TMEM233: variants seen among roughly 807,000 people sequenced by gnomAD.
TMEM233 encodes transmembrane protein 233.
In TMEM233, 6 loss-of-function variants were observed where a neutral mutation model predicts 11.2. The ratio of observed to expected loss-of-function variants is 0.54; its 90% CI spans 0.29 to 1.06. TMEM233 has a LOEUF of 1.06. TMEM233 is among the 50% of genes least tolerant of loss of function. TMEM233 has a pLI of 0.08. For synonymous variants in TMEM233, 59 were observed against 55.8 expected, an observed-to-expected ratio of 1.06 and a Z score of -0.26; for missense variants, 127 against 144.7, an observed-to-expected ratio of 0.88 and a Z score of 0.63.
chr12:119,631,494 G>A (rs1205857599), intron 2 of TMEM233: 1 of 984,958 alleles, frequency 1.0e-6, no homozygotes. Flanking sequence ...CCAAATAAAA[G>A]AGAAAAGGAC....
At chr12:119,608,125 A>T (rs563043217) in intron 1 of TMEM233, among the ~76,000 whole-genome samples, 1 of 152,272 alleles carries the variant, frequency 6.6e-6, no homozygotes, top group African/African-American at 2.4e-5. Context: ...GTTTTGTTCC[A>T]ATTCCAGTGG....
chr12:119,649,442 C>A, the TMEM233 span, among the ~76,000 whole-genome samples: 2 of 152,116 alleles, frequency 1.3e-5, no homozygotes, highest in African/African-American at 4.8e-5. Context: ...TAGAGTGTTC[C>A]CTAACAATTT....
downstream of TMEM233, among the ~76,000 whole-genome samples, chr12:119,644,386 C>A (rs1174674566): frequency 3.3e-5 from 5 of 150,676 alleles, no homozygotes; most frequent in African/African-American, 7.3e-5. Context: ...AACAAACAAA[C>A]AAAAAAAACA....
chr12:119,645,707 C>A (rs1955142024), downstream of TMEM233, among the ~76,000 whole-genome samples: 1 of 152,174 alleles, frequency 6.6e-6, no homozygotes, highest in Non-Finnish European at 1.5e-5. Flanking sequence ...GGTGAGCAGC[C>A]AGTCAGACCT....
In TMEM233 at chr12:119,634,368, T is replaced by TG. The variant is rs1170184771; in HGVS notation, c.323+4499dup. ...GGCTCACACCTGTAATCCAATACCT[T>TG]GGGCTGAGGTGGGAGGATCTCTTGA... is the stretch of plus-strand genomic sequence containing the variant. On this transcript the variant is annotated intron_variant, in intron 2 of 2. Coordinates refer to ENST00000426426, the MANE Select transcript of TMEM233 (RefSeq NM_001136534.3). 6.1e-6 allele frequency: 4 copies of TG among 657,146 alleles called. No homozygotes were observed. In the African/African-American group the frequency reaches 7.9e-5, roughly 13 times the overall value. The allele number at this position is 657,146 out of a possible 1,614,324, so 40.7% of individuals were successfully genotyped here.
chr12:119,620,213 A>G (rs955363967), intron 1 of TMEM233, among the ~76,000 whole-genome samples: 1 of 152,190 alleles, frequency 6.6e-6, no homozygotes, highest in African/African-American at 2.4e-5. Context: ...ATGGAATCTT[A>G]TCTTGAGATT....
chr12:119,611,336 CAT>C (rs202236602), intron 1 of TMEM233, among the ~76,000 whole-genome samples: 2,250 of 152,216 alleles, frequency 0.015, 67 homozygotes, highest in African/African-American at 0.051. Flanking sequence ...CTCAATAACA[CAT>C]GTTATTATCT....
At chr12:119,597,980 C>G (rs1174981106) in intron 1 of TMEM233, among the ~76,000 whole-genome samples, 2 of 152,198 alleles carry the variant, frequency 1.3e-5, no homozygotes, top group East Asian at 3.8e-4. Context: ...GTGAGGAGCA[C>G]AAGCTGGCTT....
intron 2 of TMEM233, chr12:119,631,775 C>A: frequency 2.4e-6 from 1 of 411,748 alleles, no homozygotes; most frequent in Non-Finnish European, 3.3e-6. Flanking sequence ...CATTCCTGAA[C>A]CTCAGTTTCC....
intron 1 of TMEM233, among the ~76,000 whole-genome samples, chr12:119,610,520 C>T (rs534827022): frequency 2.9e-4 from 44 of 152,300 alleles, no homozygotes; most frequent in African/African-American, 1.0e-3. Context: ...CCATAAGCCC[C>T]ACCTGTCATG....
In TMEM233 at chr12:119,622,698, A is replaced by G. The variant is rs115611580; in HGVS notation, c.187-7038A>G. Among the ~76,000 whole-genome samples, 919 of 152,150 alleles carry G rather than the reference A, an allele frequency of 6.0e-3. 7 individuals are homozygous for G. The highest frequency in any genetic ancestry group is 0.021 in the African/African-American group (872 of 41,508). On this transcript the variant is annotated intron_variant, in intron 1 of 2. Coordinates refer to ENST00000426426, the MANE Select transcript of TMEM233 (RefSeq NM_001136534.3). ...CCCCCAGCCATGGAAATCCTTCACA[A>G]TGAAATCTCAGAGCTGGAATCTCTC...
At chr12:119,610,606 C>G (rs1054865038) in intron 1 of TMEM233, among the ~76,000 whole-genome samples, 1 of 152,058 alleles carries the variant, frequency 6.6e-6, no homozygotes, top group African/African-American at 2.4e-5. Context: ...TGAGTTCTCA[C>G]GACATTATGA....
At chr12:119,605,209 C>G (rs80175089) in intron 1 of TMEM233, among the ~76,000 whole-genome samples, 2,863 of 151,886 alleles carry the variant, frequency 0.019, 86 homozygotes, top group African/African-American at 0.065. Context: ...ATACATTTGT[C>G]TTTACTTTTT....
At chr12:119,652,014 T>G in the TMEM233 span, among the ~76,000 whole-genome samples, 10 of 152,242 alleles carry the variant, frequency 6.6e-5, no homozygotes, top group Admixed American at 6.5e-4. Flanking sequence ...CTTTTATTAA[T>G]CAGACTACCA....
At position 119,594,042 on chromosome 12, in the gene TMEM233, A is replaced by T; in HGVS notation, c.186+8A>T. The T allele has an allele frequency of 6.4e-7, 1 of 1,551,204 alleles. No individual in the cohort carries two copies. The highest frequency in any genetic ancestry group is 8.7e-7 in the Non-Finnish European group (1 of 1,146,718). Reference sequence around the variant, plus strand: ...TTGGTCTTTTCCATCATGGTGAGTGAATCACGGCCAGAGGCAGCCTGGGAG... The same window carrying T: ...TTGGTCTTTTCCATCATGGTGAGTGTATCACGGCCAGAGGCAGCCTGGGAG... On this transcript the variant is annotated splice_region_variant and intron_variant, in intron 1 of 2. Coordinates refer to ENST00000426426, the MANE Select transcript of TMEM233 (RefSeq NM_001136534.3). The surrounding 1 kb of genome is among the most constrained non-coding windows in gnomAD (Gnocchi z 5.6).
chr12:119,606,836 G>C (rs547122842), intron 1 of TMEM233, among the ~76,000 whole-genome samples: 1 of 152,292 alleles, frequency 6.6e-6, no homozygotes, highest in Non-Finnish European at 1.5e-5. Flanking sequence ...AAATGTAAAA[G>C]AGACATAAAT....
At chr12:119,634,287 CTG>C in intron 2 of TMEM233, 1 of 985,010 alleles carries the variant, frequency 1.0e-6, no homozygotes, top group Non-Finnish European at 1.2e-6. Context: ...ACCCATGAAT[CTG>C]TGAGTTTTCT....
intron 1 of TMEM233, among the ~76,000 whole-genome samples, chr12:119,620,726 T>C (rs944379821): frequency 2.0e-5 from 3 of 152,162 alleles, no homozygotes; most frequent in Admixed American, 2.0e-4. Context: ...TCAGGAAGTC[T>C]ATCAATATAA....
intron 2 of TMEM233, among the ~76,000 whole-genome samples, chr12:119,633,317 T>G (rs1229969040): frequency 6.6e-6 from 1 of 152,188 alleles, no homozygotes; most frequent in Admixed American, 6.5e-5. Context: ...CAGTGGCTGA[T>G]GCCTATAATC....
Sources: gnomAD v4.1 joint callset for allele counts (sites outside exome capture counted in the v4.1 genomes callset) on GRCh38, gnomAD v4.1.1 for gene constraint, Gnocchi (gnomAD v3.1) non-coding constraint, MANE v1.5 for transcripts, NCBI Gene and HGNC (gene_info 2026-07-23, HGNC 2026-07-21) for gene names.